KIAA1328: variants seen among roughly 807,000 people sequenced by gnomAD.
KIAA1328 encodes protein hinderin.
In KIAA1328, 52 loss-of-function variants were observed where a neutral mutation model predicts 68.1. The ratio of observed to expected loss-of-function variants is 0.76; its 90% CI spans 0.61 to 0.96. The LOEUF is 0.96. Ranked by LOEUF, KIAA1328 falls within the 40% of genes least tolerant of loss-of-function variation. The pLI is 0.00. For missense variants in KIAA1328, 641 were observed against 677.6 expected (o/e 0.95, Z 0.60); for synonymous variants, 232 against 239.4 (o/e 0.97, Z 0.28).
chr18:37,036,326 A>G (rs992101096), intron 6 of KIAA1328, among the ~76,000 whole-genome samples: 1 of 152,234 alleles, frequency 6.6e-6, no homozygotes, highest in African/African-American at 2.4e-5. Flanking sequence ...TTCACAAAGT[A>G]ATTAAAAACA....
intron 9 of KIAA1328, among the ~76,000 whole-genome samples, chr18:37,201,375 G>A (rs2060111384): frequency 6.6e-6 from 1 of 151,956 alleles, no homozygotes; most frequent in South Asian, 2.1e-4. Context: ...GAGACTTGTA[G>A]CCAGGAAATA....
At chr18:37,162,135 C>G (rs1189853350) in intron 8 of KIAA1328, among the ~76,000 whole-genome samples, 1 of 152,152 alleles carries the variant, frequency 6.6e-6, no homozygotes, top group East Asian at 1.9e-4. Context: ...TATAATGTTG[C>G]TATACCAATC....
chr18:36,868,534 G>T (rs768457709), intron 4 of KIAA1328, among the ~76,000 whole-genome samples: 2 of 152,124 alleles, frequency 1.3e-5, no homozygotes, highest in South Asian at 2.1e-4. Context: ...TTTTGTTACT[G>T]AGACTTTTTA....
At chr18:36,907,868 C>G (rs2049280332) in intron 5 of KIAA1328, among the ~76,000 whole-genome samples, 1 of 152,096 alleles carries the variant, frequency 6.6e-6, no homozygotes, top group Non-Finnish European at 1.5e-5. Flanking sequence ...AAGAAACTCT[C>G]TGAGCCTGGA....
downstream of KIAA1328, among the ~76,000 whole-genome samples, chr18:37,226,369 G>A (rs183371598): frequency 1.9e-4 from 29 of 151,834 alleles, no homozygotes; most frequent in East Asian, 5.4e-3. Context: ...GTAGTCTTTA[G>A]TATATTCACA....
At chr18:36,912,790 G>C (rs904698404) in intron 5 of KIAA1328, among the ~76,000 whole-genome samples, 1 of 152,208 alleles carries the variant, frequency 6.6e-6, no homozygotes, top group Non-Finnish European at 1.5e-5. Flanking sequence ...GCATGGGTGA[G>C]AGTCTGAGAA....
chr18:36,849,619 A>G (rs2047146502), intron 4 of KIAA1328, among the ~76,000 whole-genome samples: 2 of 152,160 alleles, frequency 1.3e-5, no homozygotes, highest in South Asian at 4.1e-4. Context: ...TTATCCATTC[A>G]TACTTTGATG....
At chr18:37,028,876 G>A (rs2054705471) in intron 6 of KIAA1328, among the ~76,000 whole-genome samples, 1 of 152,176 alleles carries the variant, frequency 6.6e-6, no homozygotes, top group South Asian at 2.1e-4. Context: ...AAGCCAGCTT[G>A]ATTGTGGTGG....
intron 6 of KIAA1328, among the ~76,000 whole-genome samples, chr18:37,013,996 G>A (rs1341146580): frequency 6.6e-6 from 1 of 152,100 alleles, no homozygotes; most frequent in African/African-American, 2.4e-5. Flanking sequence ...CCGCATCCTC[G>A]CCAGCATCTG....
rs929031908 is a variant in KIAA1328 at position 36,885,132 on chromosome 18, A to G, written c.333-425A>G. On this transcript the variant is annotated intron_variant, in intron 4 of 9. Transcript: ENST00000280020. ...GTATATTTAGTAAAATATTTAAAGT[A>G]CATATTTTGTTTATTTTATTAATAG... Among the ~76,000 whole-genome samples the G allele has an allele frequency of 2.0e-5, 3 of 152,174 alleles. No homozygotes were observed. The East Asian group carries it at 5.8e-4, about 29-fold the overall frequency.
intron 6 of KIAA1328, among the ~76,000 whole-genome samples, chr18:37,015,061 C>T (rs981523738): frequency 1.3e-5 from 2 of 152,090 alleles, no homozygotes. Context: ...CACTGCCATG[C>T]CCAGCTAATT....
At chr18:36,911,300 C>A (rs1335015980) in intron 5 of KIAA1328, among the ~76,000 whole-genome samples, 1 of 152,102 alleles carries the variant, frequency 6.6e-6, no homozygotes, top group African/African-American at 2.4e-5. Flanking sequence ...GTTATTCTAC[C>A]TCTTCTATGA....
chr18:37,096,556 A>C (rs1197088699), intron 7 of KIAA1328, among the ~76,000 whole-genome samples: 2 of 152,202 alleles, frequency 1.3e-5, no homozygotes, highest in African/African-American at 4.8e-5. Context: ...ATGTGTCTTT[A>C]TAGCAGCATG....
intron 7 of KIAA1328, among the ~76,000 whole-genome samples, chr18:37,102,472 C>T (rs532234573): frequency 2.1e-4 from 32 of 152,222 alleles, no homozygotes; most frequent in Non-Finnish European, 2.8e-4. Flanking sequence ...AACAAAACAA[C>T]GGATAAAGAC....
At chr18:37,137,801 A>G (rs974827047) in intron 7 of KIAA1328, among the ~76,000 whole-genome samples, 5 of 152,158 alleles carry the variant, frequency 3.3e-5, no homozygotes, top group African/African-American at 1.2e-4. Flanking sequence ...TCCCATGGCT[A>G]GATCATATCT....
chr18:36,860,023 A>G (rs1215179660), intron 4 of KIAA1328, among the ~76,000 whole-genome samples: 2 of 151,158 alleles, frequency 1.3e-5, no homozygotes, highest in Admixed American at 6.6e-5. Context: ...CCATTTAAAA[A>G]TTTTCTTTAA....
In KIAA1328 at chr18:36,899,490, A is replaced by G. The variant is rs181763757; in HGVS notation, c.448+13818A>G. 9.1e-4 allele frequency among the ~76,000 whole-genome samples: 138 copies of G among 151,950 alleles called. 1 individual carries two copies. Among genetic ancestry groups the G allele is most frequent in the African/African-American group, 2.9e-3 (120 of 41,554 alleles). On this transcript the variant is annotated intron_variant, in intron 5 of 9. Coordinates refer to ENST00000280020, the MANE Select transcript of KIAA1328 (RefSeq NM_020776.3). ...TCTGACACTCTACTGCCACCTGGTG[A>G]TAGTATATCTAAATTGCAATAAAAG...
chr18:36,857,226 C>T (rs763869543), intron 4 of KIAA1328, among the ~76,000 whole-genome samples: 1 of 152,168 alleles, frequency 6.6e-6, no homozygotes, highest in Non-Finnish European at 1.5e-5. Context: ...GGAAGCCACT[C>T]GAAGCCCTTA....
chr18:37,042,680 C>G (rs552241871), intron 6 of KIAA1328, among the ~76,000 whole-genome samples: 2 of 152,092 alleles, frequency 1.3e-5, no homozygotes, highest in Non-Finnish European at 2.9e-5. Flanking sequence ...ATTGTCTTAG[C>G]TTTAGATAGT....
Sources: gnomAD v4.1 joint callset for allele counts (sites outside exome capture counted in the v4.1 genomes callset) on GRCh38, gnomAD v4.1.1 for gene constraint, MANE v1.5 for transcripts, NCBI Gene and HGNC (gene_info 2026-07-23, HGNC 2026-07-21) for gene names.